The following LRP1B variants were observed in gnomAD, a reference collection of about 807,000 sequenced individuals.
LRP1B encodes the protein low-density lipoprotein receptor-related protein 1B.
LRP1B carries 217 observed loss-of-function variants against 556.6 expected under a neutral mutation model. The observed-to-expected ratio is 0.39, with a 90% CI of 0.35 to 0.44. The LOEUF (loss-of-function observed/expected upper bound fraction) is 0.44, where lower values mean the gene tolerates loss of function less well. LRP1B is among the 20% of genes least tolerant of loss of function. The pLI is 1.00. For synonymous variants in LRP1B, 2,047 were observed against 1,865.8 expected (o/e 1.10, Z -2.50); for missense variants, 5,053 against 5,620.8 (o/e 0.90, Z 3.23).
chr2:141,271,039 T>C (rs1467429286), intron 3 of LRP1B, among the ~76,000 whole-genome samples: 1 of 151,904 alleles, frequency 6.6e-6, no homozygotes, highest in African/African-American at 2.4e-5. Flanking sequence ...AACAGAAGTA[T>C]GCAAATGAGA....
At chr2:141,313,340 T>C (rs1016578729) in intron 3 of LRP1B, among the ~76,000 whole-genome samples, 1 of 152,048 alleles carries the variant, frequency 6.6e-6, no homozygotes, top group Non-Finnish European at 1.5e-5. Context: ...AAATTTTTAG[T>C]TCCTCAAATT....
At chr2:140,865,190 C>T (rs1046293974) in intron 27 of LRP1B, among the ~76,000 whole-genome samples, 17 of 151,938 alleles carry the variant, frequency 1.1e-4, no homozygotes, top group African/African-American at 4.1e-4. Flanking sequence ...TATCCAATAA[C>T]CAATTTGGAA....
At chr2:140,794,479 ACACACAC>A (rs1690230800) in intron 32 of LRP1B, among the ~76,000 whole-genome samples, 1 of 1,148 alleles carries the variant, frequency 8.7e-4, no homozygotes, top group African/African-American at 9.2e-4. Flanking sequence ...GCTATTTAAA[ACACACAC>A]ACACACACAC....
At chr2:142,093,224 G>A (rs548317077) in intron 1 of LRP1B, among the ~76,000 whole-genome samples, 10 of 151,940 alleles carry the variant, frequency 6.6e-5, no homozygotes, top group Non-Finnish European at 1.3e-4. Context: ...AACTTTCCTA[G>A]CGAACTATGA....
intron 7 of LRP1B, among the ~76,000 whole-genome samples, chr2:141,137,868 T>A (rs1574113358): frequency 6.6e-6 from 1 of 151,644 alleles, no homozygotes; most frequent in Admixed American, 6.6e-5. Flanking sequence ...ATAGTTCCTT[T>A]GCCATGTTAT....
intron 2 of LRP1B, among the ~76,000 whole-genome samples, chr2:141,534,504 C>T (rs964295954): frequency 1.3e-5 from 2 of 152,078 alleles, no homozygotes; most frequent in African/African-American, 4.8e-5. Context: ...TCTCTCTTGT[C>T]GTGAGTGTAT....
At position 140,886,218 on chromosome 2, in the gene LRP1B, A is replaced by C. The variant is rs150259480; in HGVS notation, c.3884T>G (p.Phe1295Cys). The C allele has an allele frequency of 6.2e-7, 1 of 1,610,908 alleles. No homozygotes were observed. The highest frequency in any genetic ancestry group is 2.2e-5 in the East Asian group (1 of 44,668). Residue 1295 changes from phenylalanine to cysteine, a missense_variant, in exon 24 of 91, where the codon TTT becomes TGT. Transcript: ENST00000389484. Reference sequence around the variant, plus strand: ...ATAAAGTAAACTTTGATTGAAGTGAAAATCAAGTGCTATTGTGTTTCTCAA... The same window carrying C: ...ATAAAGTAAACTTTGATTGAAGTGACAATCAAGTGCTATTGTGTTTCTCAA... ...PGLRNTIALD[F>C]HFNQSLLYWT... is the part of the protein sequence containing the mutation.
intron 77 of LRP1B, among the ~76,000 whole-genome samples, chr2:140,338,068 GAAAA>G (rs35692268): frequency 7.0e-6 from 1 of 142,046 alleles, no homozygotes; most frequent in African/African-American, 2.7e-5. Flanking sequence ...TTAGAAAAAC[GAAAA>G]AAAAAACTTA....
rs3061367 is a variant in LRP1B at position 140,607,632 on chromosome 2, T to TAC, written c.6800-5995_6800-5994dup. ...TATGCTAAACTCGACCCCCTCTCTT[T>TAC]ACACACACACACACACACACACACA... On this transcript the variant is annotated intron_variant, in intron 41 of 90. Coordinates refer to ENST00000389484, the MANE Select transcript of LRP1B (RefSeq NM_018557.3). Among the ~76,000 whole-genome samples the TAC allele has an allele frequency of 4.8e-3, 693 of 143,126 alleles. 6 individuals are homozygous for TAC. The highest frequency in any genetic ancestry group is 0.017 in the African/African-American group (666 of 40,340). The allele number at this position is 143,126 out of a possible 152,430, so 93.9% of individuals were successfully genotyped here.
chr2:142,027,817 A>T (rs1221070473), intron 1 of LRP1B, among the ~76,000 whole-genome samples: 2 of 151,926 alleles, frequency 1.3e-5, no homozygotes, highest in Non-Finnish European at 2.9e-5. Context: ...AATAGATACC[A>T]AGAGAGGCAT....
At chr2:141,386,771 T>G (rs887726704) in intron 3 of LRP1B, among the ~76,000 whole-genome samples, 1 of 152,016 alleles carries the variant, frequency 6.6e-6, no homozygotes, top group Non-Finnish European at 1.5e-5. Context: ...ACAATAATAG[T>G]TGGAGACTTC....
intron 7 of LRP1B, among the ~76,000 whole-genome samples, chr2:141,185,583 T>C (rs1681203196): frequency 6.6e-6 from 1 of 151,086 alleles, no homozygotes; most frequent in South Asian, 2.1e-4. Context: ...TTTAAAAATC[T>C]CTTCTTGGAA....
At chr2:140,665,996 T>A (rs1378156032) in intron 41 of LRP1B, among the ~76,000 whole-genome samples, 5 of 105,064 alleles carry the variant, frequency 4.8e-5, no homozygotes, top group African/African-American at 1.5e-4. Flanking sequence ...AAAAAAAAAT[T>A]TTTTTTTTTT....
At chr2:141,222,533 G>T (rs1013917721) in intron 6 of LRP1B, among the ~76,000 whole-genome samples, 2 of 152,148 alleles carry the variant, frequency 1.3e-5, no homozygotes, top group East Asian at 3.9e-4. Context: ...ATTTTATGTG[G>T]CTAGCATTAT....
chr2:140,756,585 C>T (rs948944571), intron 35 of LRP1B, among the ~76,000 whole-genome samples: 4 of 152,074 alleles, frequency 2.6e-5, no homozygotes, highest in Admixed American at 6.5e-5. Flanking sequence ...TGGAAAGACT[C>T]GTCTTTTATA....
At chr2:140,346,455 T>C (rs1214818598) in intron 77 of LRP1B, among the ~76,000 whole-genome samples, 2 of 151,926 alleles carry the variant, frequency 1.3e-5, no homozygotes, top group Non-Finnish European at 2.9e-5. Flanking sequence ...AGTACCTGTT[T>C]TGTGCAATTA....
At chr2:140,295,028 C>T (rs1683543503) in intron 84 of LRP1B, among the ~76,000 whole-genome samples, 2 of 152,052 alleles carry the variant, frequency 1.3e-5, no homozygotes, top group African/African-American at 2.4e-5. Flanking sequence ...AGGTGCCCGC[C>T]ACTGCGCCCG....
At chr2:141,667,785 G>A (rs560365272) in intron 2 of LRP1B, among the ~76,000 whole-genome samples, 2 of 152,040 alleles carry the variant, frequency 1.3e-5, no homozygotes, top group Non-Finnish European at 2.9e-5. Context: ...TGAGGATAGG[G>A]TATACCTATG....
intron 7 of LRP1B, among the ~76,000 whole-genome samples, chr2:141,107,922 C>G (rs10202286): frequency 6.6e-6 from 1 of 151,564 alleles, no homozygotes; most frequent in Non-Finnish European, 1.5e-5. Flanking sequence ...ATTGGTAAAT[C>G]ACACATTTTT....
Sources: allele counts gnomAD v4.1 joint callset (sites outside exome capture counted in the v4.1 genomes callset), GRCh38; gene constraint gnomAD v4.1.1; transcripts MANE v1.5; gene names NCBI Gene and HGNC (gene_info 2026-07-23, HGNC 2026-07-21).